SEMA5A: variants seen among roughly 807,000 people sequenced by gnomAD.
SEMA5A encodes the protein semaphorin 5A, also known as semaphorin-5A.
In SEMA5A, 55 loss-of-function variants were observed where a neutral mutation model predicts 135.5. That is an observed-to-expected ratio of 0.41 (90% CI 0.33 to 0.51). SEMA5A has a LOEUF of 0.51. Ranked by LOEUF, SEMA5A falls within the 20% of genes least tolerant of loss-of-function variation. The pLI is 0.37. For synonymous variants in SEMA5A, 580 were observed against 546.5 expected (o/e 1.06, Z -0.85); for missense variants, 1,290 against 1,419.9 (o/e 0.91, Z 1.47).
chr5:9,431,006 A>G (rs554631412), intron 2 of SEMA5A, among the ~76,000 whole-genome samples: 4 of 152,320 alleles, frequency 2.6e-5, no homozygotes, highest in African/African-American at 9.6e-5. Context: ...TGTAGGAAAG[A>G]AAGGAAATAA....
At chr5:9,532,988 C>A (rs1420133272) in intron 1 of SEMA5A, among the ~76,000 whole-genome samples, 1 of 152,214 alleles carries the variant, frequency 6.6e-6, no homozygotes, top group Non-Finnish European at 1.5e-5. Flanking sequence ...TGTCAAGCAC[C>A]TAATTCCAAA....
chr5:9,471,195 A>C (rs1010699441), intron 1 of SEMA5A, among the ~76,000 whole-genome samples: 3 of 152,106 alleles, frequency 2.0e-5, no homozygotes, highest in African/African-American at 7.2e-5. Flanking sequence ...CACACACCTA[A>C]GTCTACAAGA....
intron 4 of SEMA5A, among the ~76,000 whole-genome samples, chr5:9,322,599 A>T (rs1752678523): frequency 6.6e-6 from 1 of 152,208 alleles, no homozygotes; most frequent in Non-Finnish European, 1.5e-5. Context: ...TATAGAGTCT[A>T]AGAAATCAAG....
intron 5 of SEMA5A, among the ~76,000 whole-genome samples, chr5:9,242,629 G>T (rs1235561438): frequency 6.6e-6 from 1 of 152,060 alleles, no homozygotes; most frequent in Non-Finnish European, 1.5e-5. Context: ...GAGTGGGAGC[G>T]GGGCAAGGCA....
At position 9,451,602 on chromosome 5, in the gene SEMA5A, A is replaced by C. The variant is rs3822800; in HGVS notation, c.-174-13750T>G. On this transcript the variant is annotated intron_variant, in intron 1 of 22. Transcript: ENST00000382496. Reference sequence around the variant, plus strand: ...AACCACCAAACCATAATTTGATGCAATAATATGGTGGTTATTGCTATTCCT... The same window carrying C: ...AACCACCAAACCATAATTTGATGCACTAATATGGTGGTTATTGCTATTCCT... 8.5e-5 allele frequency among the ~76,000 whole-genome samples: 13 copies of C among 152,326 alleles called. No individual in the cohort carries two copies. In the East Asian group the frequency reaches 2.5e-3, roughly 29 times the overall value.
intron 3 of SEMA5A, among the ~76,000 whole-genome samples, chr5:9,376,364 C>G (rs1755363823): frequency 6.6e-6 from 1 of 152,176 alleles, no homozygotes; most frequent in Admixed American, 6.5e-5. Flanking sequence ...TTGCTCTTTT[C>G]CTCTCCCTGG....
chr5:9,058,591 TAG>T (rs1399505463), intron 18 of SEMA5A, among the ~76,000 whole-genome samples: 6 of 152,244 alleles, frequency 3.9e-5, no homozygotes, highest in African/African-American at 1.4e-4. Flanking sequence ...ATTCTTGTTG[TAG>T]AGATTCTAGC....
rs139939023 is a variant in SEMA5A, at chr5:9,075,674, C to T, written c.2074-9028G>A. Among the ~76,000 whole-genome samples, 86 of 151,938 alleles carry T rather than the reference C, an allele frequency of 5.7e-4. No individual in the cohort carries two copies. In the East Asian group the frequency reaches 8.7e-3, roughly 15 times the overall value. Reference sequence around the variant, plus strand: ...TATCTGAGATGAGGGAGTACTGGGACGGGTATCAGGGAGGTGTTGCAAAAG... The same window carrying T: ...TATCTGAGATGAGGGAGTACTGGGATGGGTATCAGGGAGGTGTTGCAAAAG... On this transcript the variant is annotated intron_variant, in intron 16 of 22. Transcript: ENST00000382496.
chr5:9,494,962 T>A (rs977169885), intron 1 of SEMA5A, among the ~76,000 whole-genome samples: 16 of 152,196 alleles, frequency 1.1e-4, no homozygotes, highest in Admixed American at 7.9e-4. Flanking sequence ...CTTTTAAAAA[T>A]TTTTAACTGT....
intron 15 of SEMA5A, among the ~76,000 whole-genome samples, chr5:9,116,911 G>A (rs1740545240): frequency 6.6e-6 from 1 of 152,108 alleles, no homozygotes; most frequent in Non-Finnish European, 1.5e-5. Flanking sequence ...GACCACAGAG[G>A]AAACTTTAGG....
intron 1 of SEMA5A, among the ~76,000 whole-genome samples, chr5:9,492,197 T>C (rs1303458714): frequency 1.3e-5 from 2 of 152,216 alleles, no homozygotes; most frequent in African/African-American, 4.8e-5. Flanking sequence ...GTAAATGTTA[T>C]GAGTTGGAAA....
At chr5:9,252,111 T>C (rs1291754830) in intron 5 of SEMA5A, among the ~76,000 whole-genome samples, 2 of 152,160 alleles carry the variant, frequency 1.3e-5, no homozygotes, top group East Asian at 3.9e-4. Context: ...AGAGTTCTAT[T>C]GACAGATTGA....
intron 2 of SEMA5A, among the ~76,000 whole-genome samples, chr5:9,403,385 C>T (rs268488): frequency 0.55 from 83,290 of 151,912 alleles, 23,200 homozygotes; most frequent in African/African-American, 0.63. Context: ...AATGAGGAAG[C>T]ACAAGGAAAG....
chr5:9,150,164 T>C (rs188582273), intron 12 of SEMA5A, among the ~76,000 whole-genome samples: 26 of 152,256 alleles, frequency 1.7e-4, no homozygotes, highest in Non-Finnish European at 4.4e-5. Context: ...GACCACATGA[T>C]GCTACTCGAC....
chr5:9,086,145 C>A (rs964575992), intron 16 of SEMA5A, among the ~76,000 whole-genome samples: 2 of 152,168 alleles, frequency 1.3e-5, no homozygotes, highest in African/African-American at 4.8e-5. Flanking sequence ...AAGGGACTTG[C>A]CTTGTCTCAG....
intron 16 of SEMA5A, among the ~76,000 whole-genome samples, chr5:9,094,815 T>G (rs1250202003): frequency 6.6e-6 from 1 of 152,144 alleles, no homozygotes; most frequent in Non-Finnish European, 1.5e-5. Context: ...AGAAGCAAGA[T>G]GCCAAATAAT....
intron 16 of SEMA5A, among the ~76,000 whole-genome samples, chr5:9,073,240 A>G (rs964181195): frequency 2.0e-5 from 3 of 152,130 alleles, no homozygotes; most frequent in African/African-American, 7.2e-5. Flanking sequence ...AACCCAAAAT[A>G]TATCAAAAGG....
At chr5:9,540,245 T>C (rs1738005850) in intron 1 of SEMA5A, among the ~76,000 whole-genome samples, 1 of 152,102 alleles carries the variant, frequency 6.6e-6, no homozygotes, top group Admixed American at 6.5e-5. Flanking sequence ...ACATTCTGTA[T>C]CAGTGAAAGA....
chr5:9,472,093 C>T (rs1204780875), intron 1 of SEMA5A, among the ~76,000 whole-genome samples: 2 of 152,114 alleles, frequency 1.3e-5, no homozygotes, highest in African/African-American at 2.4e-5. Flanking sequence ...TGTGCTGCAC[C>T]CATTAACTCT....
Sources: gnomAD v4.1 joint callset for allele counts (sites outside exome capture counted in the v4.1 genomes callset) on GRCh38, gnomAD v4.1.1 for gene constraint, MANE v1.5 for transcripts, NCBI Gene and HGNC (gene_info 2026-07-23, HGNC 2026-07-21) for gene names.